ESR1: variants seen among roughly 807,000 people sequenced by gnomAD.
The protein encoded by ESR1 is estrogen receptor.
A neutral mutation model predicts 52.7 loss-of-function variants in ESR1; 12 were observed. That is an observed-to-expected ratio of 0.23 (90% CI 0.15 to 0.37). ESR1 has a LOEUF of 0.37. Among genes scored for constraint, ESR1 ranks in the 10% least tolerant of loss-of-function variants. The pLI is 1.00. For synonymous variants in ESR1, 305 were observed against 316.8 expected, an observed-to-expected ratio of 0.96 and a Z score of 0.39; for missense variants, 584 against 779.7, an observed-to-expected ratio of 0.75 and a Z score of 2.99.
At chr6:151,963,719 G>A (rs1289442023) in intron 4 of ESR1, among the ~76,000 whole-genome samples, 5 of 152,174 alleles carry the variant, frequency 3.3e-5, no homozygotes, top group Non-Finnish European at 7.3e-5. Flanking sequence ...TGTTGCCTGT[G>A]CATTCAAGGT....
chr6:152,112,950 T>C (rs887990998), intron 6 of ESR1: 5 of 152,302 alleles, frequency 3.3e-5, no homozygotes, highest in African/African-American at 1.2e-4. Context: ...TGGATGGATG[T>C]CACGAACGTG....
intron 5 of ESR1, among the ~76,000 whole-genome samples, chr6:152,027,976 T>A (rs2044302403): frequency 6.6e-6 from 1 of 152,078 alleles, no homozygotes; most frequent in South Asian, 2.1e-4. Context: ...ACCCCGTCTC[T>A]ACTAAAAATA....
chr6:151,901,508 T>A (rs1328525239), intron 3 of ESR1, among the ~76,000 whole-genome samples: 2 of 152,194 alleles, frequency 1.3e-5, no homozygotes, highest in Non-Finnish European at 2.9e-5. Flanking sequence ...GGTTTCCTTC[T>A]CGCTGTGGTC....
intron 3 of ESR1, among the ~76,000 whole-genome samples, chr6:151,933,798 G>A (rs912756217): frequency 5.9e-5 from 9 of 152,136 alleles, no homozygotes; most frequent in Non-Finnish European, 1.3e-4. Flanking sequence ...CAATCCATCA[G>A]CATGTCTTAT....
chr6:151,730,039 CCTT>C (rs1370988571), intron 2 of ESR1, among the ~76,000 whole-genome samples: 2 of 152,198 alleles, frequency 1.3e-5, no homozygotes, highest in Non-Finnish European at 2.9e-5. Flanking sequence ...GTCATTGCTT[CCTT>C]CTTGGTTTCT....
At chr6:152,079,937 A>G (rs1471571213) in intron 6 of ESR1, among the ~76,000 whole-genome samples, 1 of 152,204 alleles carries the variant, frequency 6.6e-6, no homozygotes, top group Non-Finnish European at 1.5e-5. Context: ...AGACAAGATG[A>G]GAGAAAAGAA....
At chr6:151,760,492 G>A (rs1001613039) in intron 2 of ESR1, among the ~76,000 whole-genome samples, 5 of 152,158 alleles carry the variant, frequency 3.3e-5, no homozygotes. Context: ...CATCTTGAGA[G>A]CCATCCTATT....
chr6:151,718,529 T>C (rs1459088525), intron 2 of ESR1, among the ~76,000 whole-genome samples: 4 of 152,216 alleles, frequency 2.6e-5, no homozygotes, highest in Non-Finnish European at 4.4e-5. Context: ...TGAAAAATTA[T>C]ACCAGGACTG....
chr6:152,125,251 G>A (rs763005046), intron 6 of ESR1: 39 of 1,549,238 alleles, frequency 2.5e-5, no homozygotes, highest in African/African-American at 2.1e-4. Context: ...AATTCAGGTC[G>A]TATTCATTTC....
chr6:151,779,773 C>T (rs1786357937), intron 2 of ESR1, among the ~76,000 whole-genome samples: 1 of 151,596 alleles, frequency 6.6e-6, no homozygotes, highest in South Asian at 2.1e-4. Flanking sequence ...TGGAACCAAC[C>T]CAAATGTCCA....
intron 4 of ESR1, among the ~76,000 whole-genome samples, chr6:151,978,600 G>A (rs2039687814): frequency 6.6e-6 from 1 of 152,090 alleles, no homozygotes; most frequent in African/African-American, 2.4e-5. Context: ...GAGATGAAGA[G>A]CTTATCTTGA....
chr6:151,802,992 CAAAAA>C (rs34766229), upstream of ESR1, among the ~76,000 whole-genome samples: 1 of 120,760 alleles, frequency 8.3e-6, no homozygotes, highest in African/African-American at 2.9e-5. Flanking sequence ...AACTCTGTCT[CAAAAA>C]AAAAAAAAAA....
chr6:152,055,837 T>C (rs57946279), intron 5 of ESR1, among the ~76,000 whole-genome samples: 15,443 of 152,234 alleles, frequency 0.1, 1,777 homozygotes, highest in African/African-American at 0.29. Flanking sequence ...TCTTACTACC[T>C]GGCATTAGGA....
chr6:151,721,173 A>C (rs1781429146), intron 2 of ESR1, among the ~76,000 whole-genome samples: 1 of 152,198 alleles, frequency 6.6e-6, no homozygotes, highest in Non-Finnish European at 1.5e-5. Context: ...ATTTTAAAGG[A>C]TTCATAGATG....
chr6:151,929,540 G>A (rs2033271636), intron 3 of ESR1, among the ~76,000 whole-genome samples: 1 of 151,974 alleles, frequency 6.6e-6, no homozygotes, highest in Non-Finnish European at 1.5e-5. Context: ...CAGGTTAATA[G>A]GTGCAGCAAA....
intron 2 of ESR1, among the ~76,000 whole-genome samples, chr6:151,753,342 C>T (rs1456450727): frequency 7.3e-6 from 1 of 136,538 alleles, no homozygotes. Flanking sequence ...TTTTTTGAGA[C>T]AAGGTCTGAC....
chr6:152,010,747 C>T (rs559505933), intron 4 of ESR1, among the ~76,000 whole-genome samples: 1 of 152,134 alleles, frequency 6.6e-6, no homozygotes, highest in South Asian at 2.1e-4. Flanking sequence ...GTCTTCTCAT[C>T]TGTACAATGG....
chr6:151,829,600 G>A (rs1782057491), intron 1 of ESR1, among the ~76,000 whole-genome samples: 1 of 152,152 alleles, frequency 6.6e-6, no homozygotes, highest in Non-Finnish European at 1.5e-5. Context: ...ATTTCTCTAA[G>A]GAAAGGGTTT....
intron 1 of ESR1, among the ~76,000 whole-genome samples, chr6:151,809,639 A>C (rs1252882773): frequency 6.6e-6 from 1 of 152,168 alleles, no homozygotes; most frequent in Non-Finnish European, 1.5e-5. Context: ...AAGGGGACTA[A>C]AGTGCAGTTT....
Sources: allele counts gnomAD v4.1 joint callset (sites outside exome capture counted in the v4.1 genomes callset), GRCh38; gene constraint gnomAD v4.1.1; transcripts MANE v1.5; gene names NCBI Gene and HGNC (gene_info 2026-07-23, HGNC 2026-07-21).